FGGY: variants seen among roughly 807,000 people sequenced by gnomAD.
FGGY encodes FGGY carbohydrate kinase domain containing, also known as FGGY carbohydrate kinase domain-containing protein.
In FGGY, 72 loss-of-function variants were observed where a neutral mutation model predicts 71.3. The ratio of observed to expected loss-of-function variants is 1.01; its 90% CI spans 0.84 to 1.23. FGGY has a LOEUF of 1.23. Among genes scored for constraint, FGGY ranks in the 50% most tolerant of loss-of-function variants. FGGY has a pLI of 0.00. For missense variants in FGGY, 668 were observed against 682.3 expected (o/e 0.98, Z 0.23); for synonymous variants, 251 against 250.3 (o/e 1.00, Z -0.02).
At chr1:59,548,525 G>A (rs1224824718) in intron 7 of FGGY, among the ~76,000 whole-genome samples, 1 of 152,134 alleles carries the variant, frequency 6.6e-6, no homozygotes, top group Non-Finnish European at 1.5e-5. Context: ...GGATGAAAGA[G>A]GGATTCAAGT....
intron 11 of FGGY, among the ~76,000 whole-genome samples, chr1:59,657,179 G>C (rs955002229): frequency 3.3e-5 from 5 of 152,118 alleles, no homozygotes; most frequent in Non-Finnish European, 5.9e-5. Context: ...AAGCACTGGG[G>C]TTCCTAATAA....
chr1:59,472,299 G>T (rs544527145), intron 6 of FGGY, among the ~76,000 whole-genome samples: 1 of 152,230 alleles, frequency 6.6e-6, no homozygotes, highest in South Asian at 2.1e-4. Flanking sequence ...TCAATTTCTC[G>T]AGGGGCCTTA....
At chr1:59,650,465 T>C (rs2097146656) in intron 11 of FGGY, among the ~76,000 whole-genome samples, 1 of 109,286 alleles carries the variant, frequency 9.2e-6, no homozygotes, top group Admixed American at 9.9e-5. Flanking sequence ...AACTTCTTCC[T>C]GGTTTAGTCT....
intron 12 of FGGY, among the ~76,000 whole-genome samples, chr1:59,666,334 C>T (rs1230829476): frequency 6.6e-6 from 1 of 152,246 alleles, no homozygotes; most frequent in African/African-American, 2.4e-5. Context: ...GAGCCCCTTT[C>T]TCAAACATCA....
intron 5 of FGGY, among the ~76,000 whole-genome samples, chr1:59,406,500 G>A (rs956768617): frequency 6.6e-6 from 1 of 152,186 alleles, no homozygotes; most frequent in Non-Finnish European, 1.5e-5. Flanking sequence ...ACGTGTGTTT[G>A]ATAAGCTTCA....
At chr1:59,527,038 A>C (rs1346551937) in intron 7 of FGGY, among the ~76,000 whole-genome samples, 1 of 152,230 alleles carries the variant, frequency 6.6e-6, no homozygotes, top group Non-Finnish European at 1.5e-5. Flanking sequence ...TGAATGCTAA[A>C]ATTAATTTCA....
chr1:59,469,041 T>A (rs1004405343), intron 6 of FGGY, among the ~76,000 whole-genome samples: 10 of 152,156 alleles, frequency 6.6e-5, no homozygotes, highest in African/African-American at 2.2e-4. Flanking sequence ...GGAATCTGGC[T>A]AGACTTTGGA....
intron 14 of FGGY, among the ~76,000 whole-genome samples, chr1:59,734,348 G>A (rs893498983): frequency 7.2e-5 from 11 of 152,034 alleles, no homozygotes; most frequent in South Asian, 2.1e-4. Flanking sequence ...GACCGCAGGC[G>A]TGCACCGCCA....
intron 10 of FGGY, among the ~76,000 whole-genome samples, chr1:59,628,760 A>G (rs1241916025): frequency 6.6e-6 from 1 of 152,214 alleles, no homozygotes; most frequent in East Asian, 1.9e-4. Context: ...GCTAGCTAGC[A>G]CAGGACAAAA....
Position 59,321,609 on chromosome 1 carries a change from C to G in FGGY, c.60C>G (p.Gly20=), listed in dbSNP as rs773950262. ...RYYVGVDVGT[G]SVRAALVDQS... ...ATGTGGGTGTGGACGTTGGAACAGG[C>G]AGTGTCCGTGCAGCTCTGGTGGACC... The change falls in exon 2 of 16, where the codon GGC becomes GGG. Residue 20 remains glycine (G), a synonymous_variant. Transcript: ENST00000303721. 1.2e-6 allele frequency: 2 copies of G among 1,613,922 alleles called. No homozygotes were observed. Among genetic ancestry groups the G allele is most frequent in the East Asian group, 4.5e-5 (2 of 44,884 alleles).
At chr1:59,712,037 A>G (rs1242490511) in intron 14 of FGGY, among the ~76,000 whole-genome samples, 1 of 152,228 alleles carries the variant, frequency 6.6e-6, no homozygotes, top group Non-Finnish European at 1.5e-5. Flanking sequence ...GCCTATGAGC[A>G]TGTAAAATCA....
rs376116115 is a variant in FGGY at position 59,660,254 on chromosome 1, T to G, written c.1257T>G (p.Asp419Glu). ...TGAAACTGTCTCAGGACCTTGATGA[T>G]CTTGCCATTCTCTACCTGGCCACAG... ...TGLKLSQDLD[D>E]LAILYLATVQ... The change falls in exon 12 of 16, where the codon GAT becomes GAG. Residue 419 changes from aspartate to glutamate, a missense_variant. Around this residue, in one of 2 missense-constraint regions of FGGY, gnomAD observed 661 missense variants for 661.6 expected, o/e 1.00. Coordinates refer to ENST00000303721, the MANE Select transcript of FGGY (RefSeq NM_018291.5). The G allele has an allele frequency of 6.2e-7, 1 of 1,613,556 alleles. No homozygotes were observed. The highest frequency in any genetic ancestry group is 1.3e-5 in the African/African-American group (1 of 75,052).
At position 59,607,862 on chromosome 1, in the gene FGGY, A is replaced by G. The variant is rs2096638286; in HGVS notation, c.963A>G (p.Val321=). 2 of 1,614,056 alleles carry G rather than the reference A, an allele frequency of 1.2e-6. No individual in the cohort carries two copies. The highest frequency in any genetic ancestry group is 4.5e-5 in the East Asian group (2 of 44,872). ...GVWGPYFSAM[V]PGFWLNEGGQ... is the part of the protein sequence containing the mutation. ...GGGGGCCTTATTTCTCAGCCATGGT[A>G]CCTGGGTTCTGGCTGAATGAAGGTG... Residue 321 remains valine (V), a synonymous_variant, in exon 9 of 16, where the codon GTA becomes GTG. Transcript: ENST00000303721.
intron 5 of FGGY, among the ~76,000 whole-genome samples, chr1:59,421,601 T>C (rs1354860406): frequency 6.7e-6 from 1 of 149,326 alleles, no homozygotes; most frequent in Non-Finnish European, 1.5e-5. Flanking sequence ...CCCCAGCTTC[T>C]CTTCCCTTCT....
At chr1:59,613,560 T>A (rs932907085) in intron 9 of FGGY, among the ~76,000 whole-genome samples, 169 of 152,176 alleles carry the variant, frequency 1.1e-3, no homozygotes, top group African/African-American at 4.0e-3. Context: ...GGTGTAAAAT[T>A]GACACCCTAA....
At chr1:59,569,390 T>C (rs931044806) in intron 8 of FGGY, among the ~76,000 whole-genome samples, 2 of 152,176 alleles carry the variant, frequency 1.3e-5, no homozygotes, top group Non-Finnish European at 2.9e-5. Flanking sequence ...TGAGAGATGA[T>C]GGAATTGAGG....
chr1:59,719,289 A>G (rs1299276540), intron 14 of FGGY, among the ~76,000 whole-genome samples: 2 of 152,208 alleles, frequency 1.3e-5, no homozygotes, highest in Non-Finnish European at 2.9e-5. Context: ...AATACTGCAC[A>G]GGATGCTACA....
At chr1:59,757,005 C>T (rs2101837592) in intron 14 of FGGY, among the ~76,000 whole-genome samples, 1 of 150,906 alleles carries the variant, frequency 6.6e-6, no homozygotes, top group South Asian at 2.1e-4. Context: ...GTGTGTGGTA[C>T]ATAGTAAGTG....
chr1:59,402,767 T>C (rs2062141496), intron 5 of FGGY, among the ~76,000 whole-genome samples: 1 of 152,040 alleles, frequency 6.6e-6, no homozygotes, highest in African/African-American at 2.4e-5. Flanking sequence ...CAAGCTAGTA[T>C]TGGGAGGTGA....
Sources: allele counts gnomAD v4.1 joint callset (sites outside exome capture counted in the v4.1 genomes callset), GRCh38; gene constraint gnomAD v4.1.1; regional missense constraint gnomAD v4.1.1; transcripts MANE v1.5; gene names NCBI Gene and HGNC (gene_info 2026-07-23, HGNC 2026-07-21).